The following PCDHGA9 variants were observed in gnomAD, a reference collection of about 807,000 sequenced individuals.
The protein encoded by PCDHGA9 is protocadherin gamma-A9.
PCDHGA9 carries 37 observed loss-of-function variants against 62.5 expected under a neutral mutation model. The observed-to-expected ratio is 0.59, with a 90% CI of 0.46 to 0.78. PCDHGA9 has a LOEUF of 0.78. Among genes scored for constraint, PCDHGA9 ranks in the 30% least tolerant of loss-of-function variants. The pLI, the probability that PCDHGA9 is intolerant of heterozygous loss-of-function variation, is 0.00. For synonymous variants in PCDHGA9, 459 were observed against 484.6 expected (o/e 0.95, Z 0.69); for missense variants, 1,138 against 1,166.2 (o/e 0.98, Z 0.35).
chr5:141,498,865 G>A (rs2099786522), intron 2 of PCDHGA9, among the ~76,000 whole-genome samples: 1 of 151,116 alleles, frequency 6.6e-6, no homozygotes, highest in Non-Finnish European at 1.5e-5. Flanking sequence ...CCCAGGAGGC[G>A]GAGGTTGCAG....
intron 1 of PCDHGA9, among the ~76,000 whole-genome samples, chr5:141,406,188 T>C (rs1313997032): frequency 6.6e-6 from 1 of 151,612 alleles, no homozygotes; most frequent in African/African-American, 2.4e-5. Flanking sequence ...TCCTCCCACC[T>C]CAGCCTTCAC....
intron 1 of PCDHGA9, chr5:141,410,537 A>G (rs772317770): frequency 1.1e-5 from 17 of 1,613,760 alleles, no homozygotes; most frequent in African/African-American, 1.3e-5. Flanking sequence ...CAATGAAGAC[A>G]TGGTTTGCAG....
rs1451597441 is a variant in PCDHGA9, at chr5:141,403,947, A to C, written c.995A>C (p.Lys332Thr). 6.2e-7 allele frequency: 1 copy of C among 1,613,886 alleles called. No individual in the cohort carries two copies. The highest frequency in any genetic ancestry group is 1.7e-5 in the Admixed American group (1 of 60,014). ...EDGGGLKGWT[K>T]VLISVEDVND... is the part of the protein sequence containing the mutation. The stretch of plus-strand genomic sequence containing the variant: ...GGTGGGGGATTGAAAGGGTGGACAA[A>C]AGTGCTCATTTCGGTGGAAGATGTA... The change falls in exon 1 of 4, where the codon AAA becomes ACA. Residue 332 changes from lysine to threonine, a missense_variant. Physicochemically the swap from Lys to Thr is moderately conservative, Grantham distance 78. Coordinates refer to ENST00000573521, the MANE Select transcript of PCDHGA9 (RefSeq NM_018921.3).
intron 1 of PCDHGA9, chr5:141,426,221 A>G (rs1279749881): frequency 6.3e-6 from 1 of 158,300 alleles, no homozygotes; most frequent in Non-Finnish European, 1.4e-5. Context: ...GGAAGTAAAT[A>G]TTTTAAAAGC....
At chr5:141,455,186 C>T (rs1436215310) in intron 1 of PCDHGA9, among the ~76,000 whole-genome samples, 3 of 151,542 alleles carry the variant, frequency 2.0e-5, no homozygotes, top group Non-Finnish European at 2.9e-5. Context: ...TTTTATTTCT[C>T]TACAAATTTA....
At chr5:141,410,281 G>A (rs368378842) in intron 1 of PCDHGA9, 33 of 1,613,938 alleles carry the variant, frequency 2.0e-5, no homozygotes, top group Non-Finnish European at 2.0e-5. Context: ...TTTACCTGGT[G>A]GTGGCCTTGG....
chr5:141,426,104 A>T (rs2096915289), intron 1 of PCDHGA9, among the ~76,000 whole-genome samples: 1 of 152,258 alleles, frequency 6.6e-6, no homozygotes, highest in Non-Finnish European at 1.5e-5. Flanking sequence ...GTTCAGTCAC[A>T]GAAGCAAGTC....
intron 2 of PCDHGA9, among the ~76,000 whole-genome samples, chr5:141,497,642 C>T (rs1426920174): frequency 1.3e-5 from 2 of 151,352 alleles, no homozygotes; most frequent in Middle Eastern, 3.4e-3. Context: ...CAGGTTCAAG[C>T]GATTCTCCTG....
In PCDHGA9 at chr5:141,486,853, C is replaced by T. The variant is rs1401626024; in HGVS notation, c.2425-7954C>T. The stretch of plus-strand genomic sequence containing the variant: ...GTCTATTTGTGCTGGACCTCAATGA[C>T]AATGCTCCAGCTGTGCTCCGTCCTC... On this transcript the variant is annotated intron_variant, in intron 1 of 3. Coordinates refer to ENST00000573521, the MANE Select transcript of PCDHGA9 (RefSeq NM_018921.3). This position sits in a 1 kb window ranked among gnomAD's most constrained non-coding sequence, Gnocchi z 5.0. 6.2e-7 allele frequency: 1 copy of T among 1,614,244 alleles called. No individual in the cohort carries two copies. The highest frequency in any genetic ancestry group is 2.2e-5 in the East Asian group (1 of 44,886).
intron 1 of PCDHGA9, chr5:141,415,740 G>GTGT: frequency 1.6e-6 from 1 of 617,992 alleles, no homozygotes; most frequent in Non-Finnish European, 2.1e-6. Context: ...GTTTATTAAG[G>GTGT]TTTTTTTTTT....
At chr5:141,447,938 T>G in intron 1 of PCDHGA9, among the ~76,000 whole-genome samples, 1 of 151,870 alleles carries the variant, frequency 6.6e-6, no homozygotes, top group Admixed American at 6.6e-5. Flanking sequence ...ATACAAAAAT[T>G]AGCTGGGCAT....
chr5:141,420,330 C>G lies in PCDHGA9; in HGVS notation c.2424+14954C>G, dbSNP rs765696240. 711 of 1,399,258 alleles carry G rather than the reference C, an allele frequency of 5.1e-4. 1 individual carries two copies. The highest frequency in any genetic ancestry group is 6.5e-4 in the Non-Finnish European group (676 of 1,043,138). 86.7% of individuals were successfully genotyped at this position (1,399,258 alleles called of 1,614,324 possible). A position where few individuals can be genotyped will look rare whatever the true frequency, so the allele number is the denominator to read the frequency against. On this transcript the variant is annotated intron_variant, in intron 1 of 3. Coordinates refer to ENST00000573521, the MANE Select transcript of PCDHGA9 (RefSeq NM_018921.3). Reference sequence around the variant, plus strand: ...TTATATTACAATATGCCAATATATTCCAATATAGTGGTATTATTTTAAGAT... The same window carrying G: ...TTATATTACAATATGCCAATATATTGCAATATAGTGGTATTATTTTAAGAT...
In PCDHGA9 at chr5:141,511,067, C is replaced by T. The variant is rs760786015; in HGVS notation, c.2693C>T (p.Pro898Leu). The change falls in exon 4 of 4, where the codon CCA (proline) becomes CTA (leucine). Residue 898 changes from proline (P) to leucine (L), a missense_variant. Pro to Leu is a moderately conservative substitution (Grantham distance 98). Coordinates refer to ENST00000573521, the MANE Select transcript of PCDHGA9 (RefSeq NM_018921.3). ...VPDYRQNVYI[P>L]GSNATLTNAA... ...GACTACCGCCAGAATGTCTACATCC[C>T]AGGCAGCAATGCCACACTGACCAAC... 7.4e-6 allele frequency: 12 copies of T among 1,614,136 alleles called. No homozygotes were observed. Among genetic ancestry groups the T allele is most frequent in the African/African-American group, 1.3e-5 (1 of 74,942 alleles).
rs921020435 is a variant in PCDHGA9, at chr5:141,477,853, G to A, written c.2425-16954G>A. 5.0e-6 allele frequency: 8 copies of A among 1,613,344 alleles called. No homozygotes were observed. The East Asian group carries it at 1.6e-4, about 31-fold the overall frequency. On this transcript the variant is annotated intron_variant, in intron 1 of 3. Coordinates refer to ENST00000573521, the MANE Select transcript of PCDHGA9 (RefSeq NM_018921.3). The surrounding 1 kb of genome is among the most constrained non-coding windows in gnomAD (Gnocchi z 4.9). The stretch of plus-strand genomic sequence containing the variant: ...GGCCAGGTGGGAGCTCGGTGGAGAT[G>A]CTGCCTCGAGGTACCTCAGCTGGCC...
rs184178455 is a variant in PCDHGA9 at position 141,428,574 on chromosome 5, T to C, written c.2424+23198T>C. ...CAGTCCCCCCACAAGATCTTTCTAA[T>C]GAAGTTTCTCTGGTAGCAAGCTTCA... is the stretch of plus-strand genomic sequence containing the variant. On this transcript the variant is annotated intron_variant, in intron 1 of 3. Transcript: ENST00000573521. 1.8e-3 allele frequency: 416 copies of C among 229,070 alleles called. 3 individuals are homozygous for C. The highest frequency in any genetic ancestry group is 2.8e-3 in the Non-Finnish European group (314 of 113,918). The allele number at this position is 229,070 out of a possible 1,614,324, so 14.2% of individuals were successfully genotyped here. A position where few individuals can be genotyped will look rare whatever the true frequency, so the allele number is the denominator to read the frequency against.
intron 1 of PCDHGA9, among the ~76,000 whole-genome samples, chr5:141,447,143 T>G (rs1484774611): frequency 2.6e-5 from 4 of 152,132 alleles, no homozygotes; most frequent in Admixed American, 6.6e-5. Flanking sequence ...TTGTTTTTTG[T>G]TTTTGTTTTT....
At position 141,485,299 on chromosome 5, in the gene PCDHGA9, G is replaced by A; in HGVS notation, c.2425-9508G>A. On this transcript the variant is annotated intron_variant, in intron 1 of 3. Coordinates refer to ENST00000573521, the MANE Select transcript of PCDHGA9 (RefSeq NM_018921.3). The surrounding 1 kb of genome is among the most constrained non-coding windows in gnomAD (Gnocchi z 5.7). ...CGGTCCCAGAGGAGTCACAGGAAGG[G>A]ACTTTTGTAGGGAATGTCGCTCAAG... 1 of 1,614,180 alleles carries A rather than the reference G, an allele frequency of 6.2e-7. No individual in the cohort carries two copies. Among genetic ancestry groups the A allele is most frequent in the Non-Finnish European group, 8.5e-7 (1 of 1,180,012 alleles).
chr5:141,483,750 A>G (rs1453478545), intron 1 of PCDHGA9, among the ~76,000 whole-genome samples: 1 of 152,138 alleles, frequency 6.6e-6, no homozygotes, highest in African/African-American at 2.4e-5. Flanking sequence ...ATTCCTGAGG[A>G]TCGAGGCTTG....
In PCDHGA9 at chr5:141,427,967, G is replaced by A. The variant is rs535332244; in HGVS notation, c.2424+22591G>A. On this transcript the variant is annotated intron_variant, in intron 1 of 3. Coordinates refer to ENST00000573521, the MANE Select transcript of PCDHGA9 (RefSeq NM_018921.3). The stretch of plus-strand genomic sequence containing the variant: ...TCAATGACAATGTGCCGCGGGTGCT[G>A]TACCCCGCGCTGGGGCCCGATGGCT... 10 of 1,591,190 alleles carry A rather than the reference G, an allele frequency of 6.3e-6. No individual in the cohort carries two copies. In the East Asian group the frequency reaches 8.9e-5, roughly 14 times the overall value.
Sources: allele counts gnomAD v4.1 joint callset (sites outside exome capture counted in the v4.1 genomes callset), GRCh38; gene constraint gnomAD v4.1.1; non-coding constraint Gnocchi (gnomAD v3.1); transcripts MANE v1.5; gene names NCBI Gene and HGNC (gene_info 2026-07-23, HGNC 2026-07-21).